Variants in GPC6 observed in about 807,000 individuals in gnomAD.
The protein encoded by GPC6 is glypican-6.
A neutral mutation model predicts 55.2 loss-of-function variants in GPC6; 14 were observed. That is an observed-to-expected ratio of 0.25 (90% CI 0.17 to 0.40). The LOEUF (loss-of-function observed/expected upper bound fraction) is 0.40, where lower values mean the gene tolerates loss of function less well. Ranked by LOEUF, GPC6 falls within the 10% of genes least tolerant of loss-of-function variation. GPC6 has a pLI of 1.00. For synonymous variants in GPC6, 278 were observed against 259.6 expected (o/e 1.07, Z -0.68); for missense variants, 641 against 708.5 (o/e 0.90, Z 1.08).
At chr13:93,844,260 T>C (rs1445049004) in intron 3 of GPC6, among the ~76,000 whole-genome samples, 1 of 152,136 alleles carries the variant, frequency 6.6e-6, no homozygotes, top group Non-Finnish European at 1.5e-5. Flanking sequence ...TGCCTTAGCC[T>C]CCTGAGTAGC....
intron 2 of GPC6, among the ~76,000 whole-genome samples, chr13:93,677,756 G>T (rs1432307465): frequency 6.6e-6 from 1 of 152,104 alleles, no homozygotes; most frequent in Admixed American, 6.6e-5. Context: ...ATACTACCCA[G>T]GTTTTAAAAC....
At chr13:93,765,511 A>G (rs989313682) in intron 2 of GPC6, among the ~76,000 whole-genome samples, 1 of 152,180 alleles carries the variant, frequency 6.6e-6, no homozygotes, top group African/African-American at 2.4e-5. Context: ...AGATGAGTTT[A>G]ACTTACATTT....
chr13:93,229,892 A>G (rs1164762397), intron 1 of GPC6, among the ~76,000 whole-genome samples: 1 of 152,040 alleles, frequency 6.6e-6, no homozygotes, highest in Non-Finnish European at 1.5e-5. Context: ...TTAAGGATAT[A>G]CTTGTTTTTT....
chr13:94,266,403 C>T (rs1380524696), intron 4 of GPC6, among the ~76,000 whole-genome samples: 3 of 152,122 alleles, frequency 2.0e-5, no homozygotes, highest in African/African-American at 2.4e-5. Flanking sequence ...CTCCTGACCT[C>T]GTGATCCGCC....
At chr13:93,301,019 C>CAAA (rs11405602) in intron 1 of GPC6, among the ~76,000 whole-genome samples, 1 of 142,572 alleles carries the variant, frequency 7.0e-6, no homozygotes, top group Non-Finnish European at 1.5e-5. Context: ...AACTCCGTCT[C>CAAA]AAAAAAAAAA....
intron 2 of GPC6, among the ~76,000 whole-genome samples, chr13:93,617,559 A>G (rs954096908): frequency 2.6e-5 from 4 of 152,102 alleles, no homozygotes; most frequent in Non-Finnish European, 5.9e-5. Flanking sequence ...GGACACACAT[A>G]CATGAAACTC....
chr13:94,334,092 G>A (rs774474937), intron 6 of GPC6, among the ~76,000 whole-genome samples: 3 of 152,270 alleles, frequency 2.0e-5, no homozygotes, highest in African/African-American at 7.2e-5. Flanking sequence ...AAGGTATAGG[G>A]TATCTTCTGT....
At chr13:94,000,886 G>A (rs1881766428) in intron 3 of GPC6, among the ~76,000 whole-genome samples, 1 of 152,198 alleles carries the variant, frequency 6.6e-6, no homozygotes. Flanking sequence ...GCTGATCTCA[G>A]CAGAAGGGGA....
chr13:94,276,304 C>A (rs1274752471), intron 4 of GPC6, among the ~76,000 whole-genome samples: 2 of 151,966 alleles, frequency 1.3e-5, no homozygotes, highest in African/African-American at 4.8e-5. Context: ...ATGTGTCTGA[C>A]ATTGGTTTCA....
chr13:93,689,484 A>G (rs1882172162), intron 2 of GPC6, among the ~76,000 whole-genome samples: 1 of 152,070 alleles, frequency 6.6e-6, no homozygotes, highest in South Asian at 2.1e-4. Flanking sequence ...ATTAGGAGAG[A>G]AGGCACACAG....
At chr13:94,309,917 C>T (rs775212279) in intron 6 of GPC6, among the ~76,000 whole-genome samples, 1 of 152,160 alleles carries the variant, frequency 6.6e-6, no homozygotes, top group Non-Finnish European at 1.5e-5. Context: ...TGTTTGTACT[C>T]AGGAAGAGAC....
At chr13:93,909,244 C>A in intron 3 of GPC6, among the ~76,000 whole-genome samples, 1 of 152,204 alleles carries the variant, frequency 6.6e-6, no homozygotes, top group African/African-American at 2.4e-5. Flanking sequence ...TTGAATCATA[C>A]AAAAACACAC....
chr13:94,123,723 G>T (rs894260136), intron 4 of GPC6, among the ~76,000 whole-genome samples: 2 of 151,956 alleles, frequency 1.3e-5, no homozygotes, highest in Non-Finnish European at 2.9e-5. Flanking sequence ...AGTGGGGGAG[G>T]GGGTAAGATA....
chr13:93,760,064 T>C (rs1884908804), intron 2 of GPC6, among the ~76,000 whole-genome samples: 1 of 151,740 alleles, frequency 6.6e-6, no homozygotes, highest in Admixed American at 6.6e-5. Flanking sequence ...ATTAGTTGAA[T>C]TATTTTATGT....
chr13:94,096,260 G>A (rs1186348532), intron 4 of GPC6, among the ~76,000 whole-genome samples: 2 of 150,618 alleles, frequency 1.3e-5, no homozygotes, highest in African/African-American at 2.4e-5. Context: ...CAGGAGCAGA[G>A]AAGGGACTAC....
chr13:93,464,612 G>T (rs1343501264), intron 1 of GPC6, among the ~76,000 whole-genome samples: 1 of 152,078 alleles, frequency 6.6e-6, no homozygotes, highest in Non-Finnish European at 1.5e-5. Context: ...TAGTTTTCTT[G>T]CTCTTTATAC....
intron 2 of GPC6, among the ~76,000 whole-genome samples, chr13:93,712,234 A>G (rs1196935571): frequency 2.0e-5 from 3 of 151,778 alleles, no homozygotes; most frequent in Admixed American, 6.6e-5. Flanking sequence ...ACACTAAAAA[A>G]TATATGGAGT....
At chr13:94,102,366 T>A (rs529869506) in intron 4 of GPC6, among the ~76,000 whole-genome samples, 1 of 152,102 alleles carries the variant, frequency 6.6e-6, no homozygotes, top group East Asian at 1.9e-4. Context: ...CTCCCCTGGG[T>A]GCCTAGCCCT....
At chr13:93,408,584 G>T (rs1876381496) in intron 1 of GPC6, among the ~76,000 whole-genome samples, 1 of 152,150 alleles carries the variant, frequency 6.6e-6, no homozygotes, top group Non-Finnish European at 1.5e-5. Flanking sequence ...AACCAGTGGT[G>T]GCTGAATAGG....
Sources: gnomAD v4.1 joint callset for allele counts (sites outside exome capture counted in the v4.1 genomes callset) on GRCh38, gnomAD v4.1.1 for gene constraint, MANE v1.5 for transcripts, NCBI Gene and HGNC (gene_info 2026-07-23, HGNC 2026-07-21) for gene names.